The following SEMA3A variants were observed in gnomAD, a reference collection of about 807,000 sequenced individuals.
SEMA3A encodes semaphorin-3A.
In SEMA3A, 29 loss-of-function variants were observed where a neutral mutation model predicts 97.9. The observed-to-expected ratio is 0.30, with a 90% CI of 0.22 to 0.40. The LOEUF (loss-of-function observed/expected upper bound fraction) is 0.40, where lower values mean the gene tolerates loss of function less well. Ranked by LOEUF, SEMA3A falls within the 10% of genes least tolerant of loss-of-function variation. SEMA3A has a pLI of 1.00. For synonymous variants in SEMA3A, 321 were observed against 323.7 expected (o/e 0.99, Z 0.09); for missense variants, 763 against 951.3 (o/e 0.80, Z 2.60).
chr7:84,486,246 G>T (rs1037169552), intron 1 of SEMA3A, among the ~76,000 whole-genome samples: 12 of 152,076 alleles, frequency 7.9e-5, no homozygotes, highest in Non-Finnish European at 1.8e-4. Flanking sequence ...AAATGAGCTG[G>T]GCGTGGTGGC....
intron 3 of SEMA3A, among the ~76,000 whole-genome samples, chr7:84,214,645 C>T (rs1798702602): frequency 6.6e-6 from 1 of 151,952 alleles, no homozygotes; most frequent in Non-Finnish European, 1.5e-5. Context: ...GCTGTTCCCC[C>T]TGACATGCTC....
intron 1 of SEMA3A, among the ~76,000 whole-genome samples, chr7:84,154,462 G>A (rs770634644): frequency 2.6e-5 from 4 of 151,978 alleles, no homozygotes; most frequent in African/African-American, 9.7e-5. Context: ...TGGATCACAA[G>A]GTCAGGAGTT....
At chr7:84,323,835 C>T (rs954496907) in intron 2 of SEMA3A, among the ~76,000 whole-genome samples, 1 of 152,112 alleles carries the variant, frequency 6.6e-6, no homozygotes, top group Non-Finnish European at 1.5e-5. Flanking sequence ...TTATAACAGA[C>T]AGTAATATCC....
chr7:84,052,405 T>C (rs1266852189), intron 5 of SEMA3A, among the ~76,000 whole-genome samples: 2 of 152,178 alleles, frequency 1.3e-5, no homozygotes, highest in East Asian at 1.9e-4. Flanking sequence ...TATTGGTCTA[T>C]TCAGAGATTC....
At chr7:84,015,786 G>A (rs1376257636) in intron 6 of SEMA3A, among the ~76,000 whole-genome samples, 2 of 152,042 alleles carry the variant, frequency 1.3e-5, no homozygotes, top group Non-Finnish European at 2.9e-5. Context: ...TTTGCTCTGG[G>A]ACCATGCATT....
chr7:83,971,252 C>G (rs1444792871), intron 15 of SEMA3A, among the ~76,000 whole-genome samples: 1 of 151,970 alleles, frequency 6.6e-6, no homozygotes, highest in Non-Finnish European at 1.5e-5. Flanking sequence ...TGATGAAACT[C>G]CATCTCTACT....
rs2372170 is a variant in SEMA3A at position 84,299,367 on chromosome 7, T to C, written c.-83+7840A>G. ...CTCTCTCTCTCTCTCTCTCTCTCCCTCTATATATATATATATATACACACA... is the reference window on the plus strand; with the variant it reads ...CTCTCTCTCTCTCTCTCTCTCTCCCCCTATATATATATATATATACACACA... On this transcript the variant is annotated intron_variant, in intron 3 of 3. Coordinates refer to the SEMA3A transcript ENST00000424555. Among the ~76,000 whole-genome samples the C allele has an allele frequency of 2.7e-3, 77 of 28,818 alleles. 1 individual carries two copies. Among genetic ancestry groups the C allele is most frequent in the Non-Finnish European group, 4.0e-3 (48 of 12,128 alleles). The allele number at this position is 28,818 out of a possible 152,430, so 18.9% of individuals were successfully genotyped here.
At chr7:84,474,440 C>A (rs920394200) in intron 1 of SEMA3A, among the ~76,000 whole-genome samples, 1 of 150,794 alleles carries the variant, frequency 6.6e-6, no homozygotes, top group Non-Finnish European at 1.5e-5. Flanking sequence ...AGGACTGCTC[C>A]TTTTTTTTTC....
intron 1 of SEMA3A, among the ~76,000 whole-genome samples, chr7:84,138,802 G>C (rs774985865): frequency 6.6e-6 from 1 of 151,992 alleles, no homozygotes; most frequent in Non-Finnish European, 1.5e-5. Context: ...TAATGTCAGT[G>C]AACAATACAA....
intron 1 of SEMA3A, among the ~76,000 whole-genome samples, chr7:84,176,529 C>T (rs1797573469): frequency 6.6e-6 from 1 of 152,088 alleles, no homozygotes; most frequent in Non-Finnish European, 1.5e-5. Context: ...CAGATTAATG[C>T]CTATGAGTCT....
At chr7:84,002,168 A>AT (rs1790483375) in intron 11 of SEMA3A, 122 bp from the exon 12 acceptor site, 1 of 585,258 alleles carries the variant, frequency 1.7e-6, no homozygotes, top group Non-Finnish European at 3.0e-6. Context: ...CTTTTAATTC[A>AT]TTTTTTGGTC....
At chr7:84,090,352 C>T (rs1794525091) in intron 4 of SEMA3A, among the ~76,000 whole-genome samples, 1 of 152,122 alleles carries the variant, frequency 6.6e-6, no homozygotes, top group South Asian at 2.1e-4. Flanking sequence ...ACACTCCCTC[C>T]TTTCTGTTTC....
At position 84,407,495 on chromosome 7, in the gene SEMA3A, T is replaced by A. The variant is rs141437581; in HGVS notation, c.-245-35595A>T. Among the ~76,000 whole-genome samples, 1,874 of 152,068 alleles carry A rather than the reference T, an allele frequency of 0.012. 74 individuals are homozygous for A. The East Asian group carries it at 0.16, about 13-fold the overall frequency. ...AAGGTAATTTATAGATTCAATGCCA[T>A]CCACATCAAGTTACCAATGACTTTC... On this transcript the variant is annotated intron_variant, in intron 1 of 3. Transcript: ENST00000424555.
At chr7:84,271,717 A>C (rs1179857373) in intron 3 of SEMA3A, among the ~76,000 whole-genome samples, 1 of 152,052 alleles carries the variant, frequency 6.6e-6, no homozygotes, top group Non-Finnish European at 1.5e-5. Flanking sequence ...CCCTTTTTAA[A>C]CTTAGCAACC....
intron 1 of SEMA3A, among the ~76,000 whole-genome samples, chr7:84,378,326 T>C (rs983461383): frequency 6.6e-6 from 1 of 152,072 alleles, no homozygotes; most frequent in Non-Finnish European, 1.5e-5. Flanking sequence ...CCATCAATGA[T>C]AGACTGGATA....
rs1801224788 is a variant in SEMA3A, at chr7:84,308,545, A to G, written c.-168-1253T>C. Among the ~76,000 whole-genome samples, 3 of 152,184 alleles carry G rather than the reference A, an allele frequency of 2.0e-5. No homozygotes were observed. The South Asian group carries it at 6.2e-4, about 32-fold the overall frequency. ...CATCTGGGTGGATATTGGAATTGCC[A>G]TAATATATGACAAGAATGGAGTTGA... On this transcript the variant is annotated intron_variant, in intron 2 of 3. Transcript: ENST00000424555.
intron 2 of SEMA3A, among the ~76,000 whole-genome samples, chr7:84,312,873 TA>T (rs1267521327): frequency 7.7e-4 from 11 of 14,338 alleles, no homozygotes; most frequent in East Asian, 5.9e-3. Flanking sequence ...GGTGTTGTTT[TA>T]TATATATATA....
intron 5 of SEMA3A, among the ~76,000 whole-genome samples, chr7:84,055,431 A>C (rs532923989): frequency 2.6e-5 from 4 of 152,166 alleles, no homozygotes; most frequent in Non-Finnish European, 5.9e-5. Context: ...AGCCCGTCGG[A>C]AAAGGGCAGT....
intron 1 of SEMA3A, among the ~76,000 whole-genome samples, chr7:84,428,917 C>T (rs1804897300): frequency 6.6e-6 from 1 of 151,928 alleles, no homozygotes; most frequent in African/African-American, 2.4e-5. Flanking sequence ...CATCTTTATT[C>T]CATGGGAATC....
Sources: allele counts gnomAD v4.1 joint callset (sites outside exome capture counted in the v4.1 genomes callset), GRCh38; gene constraint gnomAD v4.1.1; transcripts MANE v1.5; gene names NCBI Gene and HGNC (gene_info 2026-07-23, HGNC 2026-07-21).